Variants in SAMD3 observed in about 807,000 individuals in gnomAD.
The protein encoded by SAMD3 is sterile alpha motif domain containing 3.
Under a neutral mutation model 58.5 loss-of-function variants are expected in SAMD3, and 63 were observed. That is an observed-to-expected ratio of 1.08 (90% CI 0.88 to 1.33). The LOEUF (loss-of-function observed/expected upper bound fraction) is 1.33. SAMD3 is among the 40% of genes most tolerant of loss of function. SAMD3 has a pLI of 0.00. For missense variants in SAMD3, 604 were observed against 608.4 expected, an observed-to-expected ratio of 0.99 and a Z score of 0.08; for synonymous variants, 220 against 210.3, an observed-to-expected ratio of 1.05 and a Z score of -0.40.
At position 130,206,281 on chromosome 6, in the gene SAMD3, T is replaced by G. The variant is rs527958230; in HGVS notation, c.383+3214A>C. Among the ~76,000 whole-genome samples, 8 of 152,212 alleles carry G rather than the reference T, an allele frequency of 5.3e-5. 1 individual carries two copies. Among genetic ancestry groups the G allele is most frequent in the African/African-American group, 1.9e-4 (8 of 41,522 alleles). On this transcript the variant is annotated intron_variant, in intron 5 of 11. Transcript: ENST00000439090. ...TTATAGGGAGCATTTCCTTTGGAGT[T>G]GGTACTAGGGCAAGGCAGTCGTATG...
In SAMD3 at chr6:130,179,732, A is replaced by G. The variant is rs146692761; in HGVS notation, c.655-3724T>C. ...TTGGAGAAATGTGAATATGGATTGT[A>G]TATGATATTATGCACTTATTGCTAA... On this transcript the variant is annotated intron_variant, in intron 7 of 11. Coordinates refer to ENST00000439090, the MANE Select transcript of SAMD3 (RefSeq NM_001017373.4). Among the ~76,000 whole-genome samples, 40 of 151,802 alleles carry G rather than the reference A, an allele frequency of 2.6e-4. No homozygotes were observed. The East Asian group carries it at 6.2e-3, about 23-fold the overall frequency.
chr6:130,313,337 T>A (rs2114991203), intron 1 of SAMD3, among the ~76,000 whole-genome samples: 1 of 152,264 alleles, frequency 6.6e-6, no homozygotes, highest in East Asian at 1.9e-4. Context: ...ATCCCTGGTG[T>A]CTATCCACTA....
chr6:130,209,320 A>G (rs187246157), intron 5 of SAMD3, among the ~76,000 whole-genome samples, 175 bp downstream of exon 5: 1 of 152,316 alleles, frequency 6.6e-6, no homozygotes, highest in East Asian at 1.9e-4. Context: ...AAAAACCAGA[A>G]AATTTAATCT....
At chr6:130,271,077 G>C (rs1438368634) in intron 2 of SAMD3, among the ~76,000 whole-genome samples, 1 of 151,444 alleles carries the variant, frequency 6.6e-6, no homozygotes, top group Non-Finnish European at 1.5e-5. Flanking sequence ...TTGGTTCACT[G>C]CAACCTCCAC....
intron 7 of SAMD3, among the ~76,000 whole-genome samples, chr6:130,179,283 T>G (rs1792035714): frequency 6.6e-6 from 1 of 152,216 alleles, no homozygotes; most frequent in Non-Finnish European, 1.5e-5. Flanking sequence ...CATGAGTTAC[T>G]TACGCAGACG....
intron 5 of SAMD3, among the ~76,000 whole-genome samples, chr6:130,206,797 T>A (rs1343755087): frequency 6.6e-6 from 1 of 152,152 alleles, no homozygotes; most frequent in Non-Finnish European, 1.5e-5. Flanking sequence ...CTCCTCCCCC[T>A]TGCCAGCTGC....
intron 1 of SAMD3, among the ~76,000 whole-genome samples, chr6:130,343,937 C>G (rs1777356286): frequency 6.6e-6 from 1 of 151,118 alleles, no homozygotes; most frequent in Non-Finnish European, 1.5e-5. Context: ...TGTAATCCAG[C>G]CTGGGCGACA....
chr6:130,214,615 A>ACT (rs1795874297), intron 3 of SAMD3, 89 bp from the exon 4 acceptor site: 1 of 872,790 alleles, frequency 1.1e-6, no homozygotes, highest in African/African-American at 1.7e-5. Flanking sequence ...TAGTGATAAA[A>ACT]GGATCATCTA....
Position 130,150,830 on chromosome 6 carries a change from G to A in SAMD3, c.1023+3995C>T, listed in dbSNP as rs1212647170. 2.0e-5 allele frequency among the ~76,000 whole-genome samples: 3 copies of A among 151,620 alleles called. No individual in the cohort carries two copies. The East Asian group carries it at 5.8e-4, about 29-fold the overall frequency. On this transcript the variant is annotated intron_variant, in intron 9 of 11. Coordinates refer to ENST00000439090, the MANE Select transcript of SAMD3 (RefSeq NM_001017373.4). ...AGGTTCAAGCCATTCTCCTGCCTCA[G>A]CCTCCTGAGTAGCTGGGATTACAGG...
chr6:130,336,947 C>T (rs1215088189), intron 1 of SAMD3, among the ~76,000 whole-genome samples: 1 of 152,186 alleles, frequency 6.6e-6, no homozygotes, highest in Non-Finnish European at 1.5e-5. Flanking sequence ...CAAGCCTTAA[C>T]TAGATCTTTA....
chr6:130,195,123 A>T (rs1793969126), intron 5 of SAMD3, among the ~76,000 whole-genome samples: 1 of 152,100 alleles, frequency 6.6e-6, no homozygotes, highest in African/African-American at 2.4e-5. Context: ...TAACTAAATT[A>T]TCTGCTTCCC....
At chr6:130,308,591 A>G (rs1438812038) in intron 2 of SAMD3, among the ~76,000 whole-genome samples, 1 of 151,956 alleles carries the variant, frequency 6.6e-6, no homozygotes, top group Non-Finnish European at 1.5e-5. Flanking sequence ...TTTCTGGGCT[A>G]GTAAGTATTT....
chr6:130,364,675 C>T (rs140677064), intron 1 of SAMD3, among the ~76,000 whole-genome samples: 197 of 151,962 alleles, frequency 1.3e-3, no homozygotes, highest in Non-Finnish European at 2.4e-3. Context: ...ATCCTTCCCC[C>T]ACCGTAACTC....
chr6:130,242,910 G>A (rs1420929905), intron 2 of SAMD3, among the ~76,000 whole-genome samples: 1 of 152,206 alleles, frequency 6.6e-6, no homozygotes, highest in Non-Finnish European at 1.5e-5. Flanking sequence ...AAGTCTTGGG[G>A]TCAACAGCAG....
chr6:130,306,491 A>T (rs1278961557), intron 2 of SAMD3, among the ~76,000 whole-genome samples: 3 of 152,204 alleles, frequency 2.0e-5, no homozygotes, highest in Non-Finnish European at 4.4e-5. Flanking sequence ...CTCTTCTGCT[A>T]AGCATCTACT....
intron 2 of SAMD3, among the ~76,000 whole-genome samples, chr6:130,239,199 T>C (rs1305714460): frequency 6.6e-6 from 1 of 152,144 alleles, no homozygotes; most frequent in Non-Finnish European, 1.5e-5. Flanking sequence ...ACCTTGCAAA[T>C]GGAGATAAAG....
chr6:130,200,072 C>A (rs1431854175), intron 5 of SAMD3, among the ~76,000 whole-genome samples: 1 of 151,918 alleles, frequency 6.6e-6, no homozygotes, highest in Non-Finnish European at 1.5e-5. Context: ...CCTCGGGAGT[C>A]TTTGGGGCCC....
intron 7 of SAMD3, among the ~76,000 whole-genome samples, chr6:130,180,114 C>T (rs1437292426): frequency 1.3e-5 from 2 of 149,704 alleles, no homozygotes; most frequent in African/African-American, 4.9e-5. Context: ...CGTACACGAC[C>T]TTTTTTTTTA....
At position 130,277,214 on chromosome 6, in the gene SAMD3, C is replaced by T. The variant is rs144339617; in HGVS notation, c.-188+35764G>A. Among the ~76,000 whole-genome samples, 962 of 152,236 alleles carry T rather than the reference C, an allele frequency of 6.3e-3. 16 individuals are homozygous for T. The highest frequency in any genetic ancestry group is 5.2e-3 in the Non-Finnish European group (354 of 68,000). ...CTCTACCATAATCCTTATCTTGTGG[C>T]CTTTCATTAGTTTTACACAGACAGT... On this transcript the variant is annotated intron_variant, in intron 2 of 13. Transcript: ENST00000368134.
Sources: allele counts gnomAD v4.1 joint callset (sites outside exome capture counted in the v4.1 genomes callset), GRCh38; gene constraint gnomAD v4.1.1; transcripts MANE v1.5; gene names NCBI Gene and HGNC (gene_info 2026-07-23, HGNC 2026-07-21).